Variants in SLC24A2 observed in about 807,000 individuals in gnomAD.
SLC24A2 encodes the protein solute carrier family 24 member 2, also known as sodium/potassium/calcium exchanger 2.
In SLC24A2, 36 loss-of-function variants were observed where a neutral mutation model predicts 62.0. That is an observed-to-expected ratio of 0.58 (90% CI 0.44 to 0.77). SLC24A2 has a LOEUF of 0.77. Ranked by LOEUF, SLC24A2 falls within the 30% of genes least tolerant of loss-of-function variation. The pLI, the probability that SLC24A2 is intolerant of heterozygous loss-of-function variation, is 0.00. For missense variants in SLC24A2, 846 were observed against 817.9 expected (o/e 1.03, Z -0.42); for synonymous variants, 358 against 294.0 (o/e 1.22, Z -2.23).
intron 8 of SLC24A2, among the ~76,000 whole-genome samples, chr9:19,544,324 T>A (rs935439190): frequency 2.6e-5 from 4 of 151,442 alleles, no homozygotes; most frequent in Non-Finnish European, 2.9e-5. Flanking sequence ...CCTATGTTTG[T>A]CTTTGCATGT....
the SLC24A2 span, among the ~76,000 whole-genome samples, chr9:20,118,410 G>A: frequency 3.3e-5 from 5 of 151,752 alleles, no homozygotes; most frequent in East Asian, 1.9e-4. Context: ...TATGAAAGAC[G>A]AATAAAAAAA....
chr9:19,915,116 T>A, the SLC24A2 span, among the ~76,000 whole-genome samples: 3 of 152,134 alleles, frequency 2.0e-5, no homozygotes, highest in African/African-American at 7.2e-5. Context: ...CTACCTGCCC[T>A]TGGCAACTAC....
At chr9:20,133,998 GT>G in the SLC24A2 span, among the ~76,000 whole-genome samples, 862 of 152,278 alleles carry the variant, frequency 5.7e-3, 14 homozygotes, top group African/African-American at 0.02. Flanking sequence ...AGAAGGAGGT[GT>G]TAGTGAAAGA....
the SLC24A2 span, chr9:19,895,935 C>A: frequency 1.2e-6 from 2 of 1,613,366 alleles, no homozygotes; most frequent in Non-Finnish European, 1.7e-6. Context: ...TCAGGTCAAA[C>A]AGCTGCACGT....
chr9:19,555,167 T>TA lies in SLC24A2; in HGVS notation c.1348-4900dup, dbSNP rs371772457. 4.7e-4 allele frequency among the ~76,000 whole-genome samples: 71 copies of TA among 150,296 alleles called. 1 individual carries two copies. Among genetic ancestry groups the TA allele is most frequent in the East Asian group, 2.1e-3 (11 of 5,130 alleles). On this transcript the variant is annotated intron_variant, in intron 7 of 10. Coordinates refer to ENST00000341998, the MANE Select transcript of SLC24A2 (RefSeq NM_020344.4). ...ACAGGGATAATCAAAAGGGCACTCT[T>TA]AAAAAAAAAATTATCTTATTCAAGC...
rs144987877 is a variant in SLC24A2, at chr9:19,575,763, A to G, written c.1228+1161T>C. ...GGACTGCGACTGAGCCCAGGAATCT[A>G]ATTCTTTTACTCCAAGCTACCTCAT... On this transcript the variant is annotated intron_variant, in intron 6 of 10. Transcript: ENST00000341998. Among the ~76,000 whole-genome samples the G allele has an allele frequency of 3.5e-3, 530 of 152,342 alleles. 2 individuals are homozygous for G. Among genetic ancestry groups the G allele is most frequent in the Non-Finnish European group, 5.0e-3 (338 of 68,042 alleles).
At chr9:20,159,533 T>C in the SLC24A2 span, among the ~76,000 whole-genome samples, 1 of 151,574 alleles carries the variant, frequency 6.6e-6, no homozygotes, top group East Asian at 1.9e-4. Context: ...TTGATTGCGG[T>C]AAATGATAGG....
intron 2 of SLC24A2, among the ~76,000 whole-genome samples, chr9:19,779,784 G>C (rs1408518173): frequency 6.6e-6 from 1 of 152,250 alleles, no homozygotes; most frequent in Non-Finnish European, 1.5e-5. Context: ...AGGTAGGCGG[G>C]CGCGGTGGCT....
At chr9:20,054,117 G>C in the SLC24A2 span, among the ~76,000 whole-genome samples, 1 of 152,100 alleles carries the variant, frequency 6.6e-6, no homozygotes, top group African/African-American at 2.4e-5. Flanking sequence ...GTGGTGTTTA[G>C]TTGCATGGAA....
chr9:20,232,926 T>A, the SLC24A2 span, among the ~76,000 whole-genome samples: 2,695 of 152,314 alleles, frequency 0.018, 85 homozygotes, highest in African/African-American at 0.062. Context: ...GTATGTGGTG[T>A]CTTTGTTCTC....
At chr9:19,834,460 G>C in the SLC24A2 span, among the ~76,000 whole-genome samples, 1 of 152,076 alleles carries the variant, frequency 6.6e-6, no homozygotes, top group Admixed American at 6.6e-5. Flanking sequence ...CGATCAACTG[G>C]AAGACAGGGT....
intron 2 of SLC24A2, among the ~76,000 whole-genome samples, chr9:19,704,772 TC>T: frequency 6.6e-6 from 1 of 151,114 alleles, no homozygotes; most frequent in South Asian, 2.1e-4. Context: ...TCCCTAGTGC[TC>T]TTGGAATTTA....
chr9:20,176,105 C>G, the SLC24A2 span, among the ~76,000 whole-genome samples: 1 of 151,980 alleles, frequency 6.6e-6, no homozygotes, highest in Non-Finnish European at 1.5e-5. Flanking sequence ...TTCGTTCGTT[C>G]TTACCTTAGA....
intron 4 of SLC24A2, among the ~76,000 whole-genome samples, chr9:19,612,464 G>C (rs1837205411): frequency 6.6e-6 from 1 of 152,138 alleles, no homozygotes; most frequent in African/African-American, 2.4e-5. Flanking sequence ...ACAGGTGTGT[G>C]CCAACATGCC....
At chr9:20,233,208 T>G in the SLC24A2 span, among the ~76,000 whole-genome samples, 1 of 152,202 alleles carries the variant, frequency 6.6e-6, no homozygotes, top group African/African-American at 2.4e-5. Context: ...TTCTGTTGAT[T>G]TGGAGTGGAG....
chr9:19,666,413 T>C (rs1307684738), intron 2 of SLC24A2, among the ~76,000 whole-genome samples: 2 of 152,108 alleles, frequency 1.3e-5, no homozygotes, highest in African/African-American at 4.8e-5. Flanking sequence ...TTTAAAAAAA[T>C]CATTATTTTA....
At chr9:19,889,316 T>C in the SLC24A2 span, among the ~76,000 whole-genome samples, 1 of 152,146 alleles carries the variant, frequency 6.6e-6, no homozygotes, top group Non-Finnish European at 1.5e-5. Context: ...TAGTGCAAGT[T>C]TATTATAGGG....
the SLC24A2 span, among the ~76,000 whole-genome samples, chr9:20,234,957 A>T: frequency 2.6e-5 from 4 of 152,204 alleles, no homozygotes; most frequent in Non-Finnish European, 5.9e-5. Context: ...CAGGACCCTC[A>T]GCTGCAGGTC....
chr9:19,534,933 C>T (rs1833885103), intron 8 of SLC24A2, among the ~76,000 whole-genome samples: 1 of 152,194 alleles, frequency 6.6e-6, no homozygotes, highest in Non-Finnish European at 1.5e-5. Flanking sequence ...GGAATTGCCA[C>T]ACTGTCTTCC....
Sources: allele counts gnomAD v4.1 joint callset (sites outside exome capture counted in the v4.1 genomes callset), GRCh38; gene constraint gnomAD v4.1.1; transcripts MANE v1.5; gene names NCBI Gene and HGNC (gene_info 2026-07-23, HGNC 2026-07-21).